ITGAM: variants seen among roughly 807,000 people sequenced by gnomAD.
ITGAM encodes the protein integrin subunit alpha M.
In ITGAM, 79 loss-of-function variants were observed where a neutral mutation model predicts 137.5. The observed-to-expected ratio is 0.57, with a 90% CI of 0.48 to 0.69. The LOEUF is 0.69. Ranked by LOEUF, ITGAM falls within the 30% of genes least tolerant of loss-of-function variation. The probability of loss-of-function intolerance (pLI) is 0.00; values close to 1 mark genes in which losing one functional copy is unlikely to be tolerated. For missense variants in ITGAM, 1,343 were observed against 1,483.5 expected (o/e 0.91, Z 1.56); for synonymous variants, 583 against 592.3 (o/e 0.98, Z 0.23).
At chr16:31,269,582 C>T (rs528456732) in intron 5 of ITGAM, among the ~76,000 whole-genome samples, 12 of 152,092 alleles carry the variant, frequency 7.9e-5, no homozygotes, top group African/African-American at 2.9e-4. Context: ...TTTGCAAAGG[C>T]GGTTTCAGTA....
At chr16:31,262,349 TTCCTTCCTTCC>T (rs1567243953) in intron 2 of ITGAM, among the ~76,000 whole-genome samples, 2 of 76,132 alleles carry the variant, frequency 2.6e-5, no homozygotes, top group Non-Finnish European at 5.6e-5. Flanking sequence ...CCTTCCTTCC[TTCCTTCCTTCC>T]TTCCTTCCTT....
At chr16:31,262,647 C>T (rs1012298609) in intron 2 of ITGAM, among the ~76,000 whole-genome samples, 8 of 152,064 alleles carry the variant, frequency 5.3e-5, no homozygotes, top group Non-Finnish European at 7.4e-5. Flanking sequence ...TCAAGTCATC[C>T]TCTTGCTTGG....
At chr16:31,298,083 T>C (rs947193512) in intron 14 of ITGAM, 129 bp downstream of exon 14, 6 of 798,080 alleles carry the variant, frequency 7.5e-6, no homozygotes, top group African/African-American at 5.3e-5. Context: ...AATAATAACA[T>C]GTGGCTGGGC....
At position 31,321,354 on chromosome 16, in the gene ITGAM, G is replaced by T. The variant is rs2080448033; in HGVS notation, c.1821G>T (p.Gly607=). 1 of 1,614,014 alleles carries T rather than the reference G, an allele frequency of 6.2e-7. No individual in the cohort carries two copies. Among genetic ancestry groups the T allele is most frequent in the Non-Finnish European group, 8.5e-7 (1 of 1,179,894 alleles). ...GLVDLTVGAQ[G]HVLLLRSQPV... is the part of the protein sequence containing the mutation. Reference sequence around the variant, plus strand: ...TAGACCTGACTGTAGGAGCCCAGGGGCACGTGCTGCTGCTCAGGTGAGAAT... The same window carrying T: ...TAGACCTGACTGTAGGAGCCCAGGGTCACGTGCTGCTGCTCAGGTGAGAAT... Residue 607 remains glycine (G), a synonymous_variant, in exon 15 of 30, where the codon GGG becomes GGT. Transcript: ENST00000544665.
chr16:31,310,094 G>A (rs1213115411), intron 14 of ITGAM, among the ~76,000 whole-genome samples: 4 of 151,012 alleles, frequency 2.6e-5, no homozygotes, highest in Admixed American at 1.3e-4. Flanking sequence ...CCCTTTGTGG[G>A]TAACCCAACC....
At chr16:31,282,833 G>C (rs2079984445) in intron 12 of ITGAM, among the ~76,000 whole-genome samples, 1 of 152,054 alleles carries the variant, frequency 6.6e-6, no homozygotes, top group South Asian at 2.1e-4. Flanking sequence ...TTACAATTTG[G>C]TATGTTTTTG....
At chr16:31,304,316 G>GT (rs1266797872) in intron 14 of ITGAM, among the ~76,000 whole-genome samples, 1 of 151,974 alleles carries the variant, frequency 6.6e-6, no homozygotes, top group African/African-American at 2.4e-5. Context: ...GGGATTATTT[G>GT]TTTTTTCCTT....
intron 21 of ITGAM, among the ~76,000 whole-genome samples, chr16:31,326,366 A>G (rs185232834): frequency 1.6e-4 from 24 of 152,304 alleles, no homozygotes; most frequent in Admixed American, 3.9e-4. Context: ...AGGATCATTC[A>G]TGTCGTAGTA....
chr16:31,330,234 C>T (rs2080562247), intron 26 of ITGAM, 70 bp downstream of exon 26: 2 of 1,591,050 alleles, frequency 1.3e-6, no homozygotes, highest in South Asian at 1.1e-5. Flanking sequence ...CCTGTATGGT[C>T]TCTGAGCAAA....
intron 14 of ITGAM, among the ~76,000 whole-genome samples, chr16:31,302,924 C>CTTTCT (rs1183179540): frequency 1.6e-4 from 2 of 12,634 alleles, no homozygotes; most frequent in African/African-American, 6.0e-4. Flanking sequence ...CTCCCTCTTT[C>CTTTCT]TTTCTTTCTT....
intron 14 of ITGAM, among the ~76,000 whole-genome samples, chr16:31,313,402 G>C (rs966139025): frequency 6.6e-6 from 1 of 151,770 alleles, no homozygotes; most frequent in Admixed American, 6.6e-5. Context: ...CCCTCAACAG[G>C]CTCCAGTGAT....
chr16:31,266,204 A>G (rs537574875), intron 5 of ITGAM, 57 bp downstream of exon 5: 2 of 1,221,416 alleles, frequency 1.6e-6, no homozygotes, highest in Admixed American at 1.7e-5. Flanking sequence ...GGGAGGGGGC[A>G]GGACTGAGGT....
chr16:31,314,869 CTGG>C (rs1327398281), intron 14 of ITGAM, among the ~76,000 whole-genome samples: 1 of 144,054 alleles, frequency 6.9e-6, no homozygotes, highest in Non-Finnish European at 1.5e-5. Flanking sequence ...GTCACCCAGG[CTGG>C]AGTACAGTAG....
chr16:31,299,603 C>A (rs950772648), intron 14 of ITGAM, among the ~76,000 whole-genome samples: 1 of 152,210 alleles, frequency 6.6e-6, no homozygotes, highest in Non-Finnish European at 1.5e-5. Flanking sequence ...GCCACCGCAC[C>A]CTGCCAGTTT....
At chr16:31,289,370 G>A (rs1004174690) in intron 12 of ITGAM, among the ~76,000 whole-genome samples, 3 of 152,106 alleles carry the variant, frequency 2.0e-5, no homozygotes, top group African/African-American at 7.2e-5. Flanking sequence ...GTCCATCAAC[G>A]ATAGACTGGA....
chr16:31,294,222 T>C (rs1187372498), intron 12 of ITGAM, among the ~76,000 whole-genome samples: 1 of 152,186 alleles, frequency 6.6e-6, no homozygotes, highest in Non-Finnish European at 1.5e-5. Context: ...CCTATTTGTA[T>C]GCCCTTTTTT....
chr16:31,303,559 C>T (rs1334973978), intron 14 of ITGAM, among the ~76,000 whole-genome samples: 1 of 152,146 alleles, frequency 6.6e-6, no homozygotes, highest in African/African-American at 2.4e-5. Flanking sequence ...GTCATCAAAG[C>T]AGCGTACACT....
intron 14 of ITGAM, among the ~76,000 whole-genome samples, chr16:31,304,185 G>A (rs1436749344): frequency 6.6e-6 from 1 of 151,858 alleles, no homozygotes; most frequent in Admixed American, 6.6e-5. Context: ...ATTTTATTGT[G>A]GTTTTAATTT....
intron 23 of ITGAM, chr16:31,329,004 G>T (rs1333135240): frequency 6.5e-6 from 4 of 613,372 alleles, no homozygotes; most frequent in African/African-American, 5.5e-5. Context: ...GTGCTCATGG[G>T]TGTGCATTTG....
Sources: gnomAD v4.1 joint callset for allele counts (sites outside exome capture counted in the v4.1 genomes callset) on GRCh38, gnomAD v4.1.1 for gene constraint, MANE v1.5 for transcripts, NCBI Gene and HGNC (gene_info 2026-07-23, HGNC 2026-07-21) for gene names.